Variants in PRSS27 observed in about 807,000 individuals in gnomAD.
The protein encoded by PRSS27 is serine protease 27.
A neutral mutation model predicts 32.0 loss-of-function variants in PRSS27; 25 were observed. The observed-to-expected ratio is 0.78, with a 90% confidence interval of 0.57 to 1.09. The LOEUF (loss-of-function observed/expected upper bound fraction) is 1.09, where lower values mean the gene tolerates loss of function less well. PRSS27 is among the 50% of genes least tolerant of loss of function. The pLI is 0.00. For synonymous variants in PRSS27, 178 were observed against 172.2 expected (o/e 1.03, Z -0.26); for missense variants, 401 against 394.9 (o/e 1.02, Z -0.13).
Position 2,714,086 on chromosome 16 carries a change from A to T in PRSS27, c.487T>A (p.Trp163Arg). 1 of 1,611,988 alleles carries T rather than the reference A, an allele frequency of 6.2e-7. No individual in the cohort carries two copies. The highest frequency in any genetic ancestry group is 8.5e-7 in the Non-Finnish European group (1 of 1,178,722). ...ETGMNCWVTG[W>R]GSPSEEDLLP... ...TTACCTTCCTCACTGGGGCTGCCCC[A>T]GCCAGTGACCCAGCAGTTCATGCCC... The change falls in exon 4 of 6, where the codon TGG becomes AGG. Residue 163 changes from tryptophan to arginine, a missense_variant. Trp to Arg is a moderately radical substitution (Grantham distance 101, BLOSUM62 -3). Transcript: ENST00000302641. This position sits in a 1 kb window ranked among gnomAD's most constrained non-coding sequence, Gnocchi z 4.7.
intron 5 of PRSS27, chr16:2,713,182 T>A (rs2067675024): frequency 2.2e-6 from 1 of 457,850 alleles, no homozygotes; most frequent in Non-Finnish European, 4.0e-6. Context: ...CACTGCAAGC[T>A]CCGCCTCCCA....
chr16:2,720,045 G>C lies in PRSS27; in HGVS notation c.46+70C>G, dbSNP rs916353015. On this transcript the variant is annotated intron_variant, in intron 1 of 5. Transcript: ENST00000302641. Reference sequence around the variant, plus strand: ...TCCCAGGGAGTAGGGGGCTGAGCCGGAGCCCCAGGCAGTGCAGCGGAGCCT... The same window carrying C: ...TCCCAGGGAGTAGGGGGCTGAGCCGCAGCCCCAGGCAGTGCAGCGGAGCCT... 5 of 1,390,004 alleles carry C rather than the reference G, an allele frequency of 3.6e-6. No homozygotes were observed. In the South Asian group the frequency reaches 6.2e-5, roughly 17 times the overall value. 86.1% of individuals were successfully genotyped at this position (1,390,004 alleles called of 1,614,324 possible).
At chr16:2,718,352 C>T (rs954591591) in intron 1 of PRSS27, 4 of 145,436 alleles carry the variant, frequency 2.8e-5, no homozygotes, top group Admixed American at 2.1e-4. Context: ...GAGTCTCACT[C>T]TGTTGCCCAG....
Position 2,720,139 on chromosome 16 carries a change from G to T in PRSS27, c.22C>A (p.Pro8Thr). Residue 8 changes from proline (P) to threonine (T), a missense_variant, in exon 1 of 6, where the codon CCG becomes ACG. Physicochemically the swap from Pro to Thr is conservative, Grantham distance 38. Coordinates refer to ENST00000302641, the MANE Select transcript of PRSS27 (RefSeq NM_031948.5). MRRPAAV[P>T]LLLLLCFGSQ... ...CCAAAACACAGCAGCAGCAGGAGCGGCACCGCCGCCGGCCGCCTCATGTCC... is the reference window on the plus strand; with the variant it reads ...CCAAAACACAGCAGCAGCAGGAGCGTCACCGCCGCCGGCCGCCTCATGTCC... 6.2e-7 allele frequency: 1 copy of T among 1,602,290 alleles called. No individual in the cohort carries two copies. The highest frequency in any genetic ancestry group is 8.5e-7 in the Non-Finnish European group (1 of 1,175,086).
In PRSS27 at chr16:2,717,014, G is replaced by A. The variant is rs76878190; in HGVS notation, c.47-488C>T. 565 of 162,770 alleles carry A rather than the reference G, an allele frequency of 3.5e-3. 24 individuals carry two copies. In the East Asian group the frequency reaches 0.078, roughly 23 times the overall value. 10.1% of individuals were successfully genotyped at this position (162,770 alleles called of 1,614,324 possible). On this transcript the variant is annotated intron_variant, in intron 1 of 5. Transcript: ENST00000302641. This position sits in a 1 kb window ranked among gnomAD's most constrained non-coding sequence, Gnocchi z 4.1. The stretch of plus-strand genomic sequence containing the variant: ...CCAGGGCTCTCTCACAGTCTGCTCC[G>A]GAATGAGCTCCTTCCCCAAGTCTCA...
Position 2,714,463 on chromosome 16 carries a change from AT to A in PRSS27, c.237-128del. 1 of 1,101,280 alleles carries A rather than the reference AT, an allele frequency of 9.1e-7. No individual in the cohort carries two copies. The highest frequency in any genetic ancestry group is 1.4e-5 in the South Asian group (1 of 70,736). The allele number at this position is 1,101,280 out of a possible 1,614,324, so 68.2% of individuals were successfully genotyped here. Reference sequence around the variant, plus strand: ...TCTCTGCACAATGTCTTCGAGAGTCATCTCTAGGACAGCCAGGTGCAGCGGT... The same window carrying A: ...TCTCTGCACAATGTCTTCGAGAGTCACTCTAGGACAGCCAGGTGCAGCGGT... On this transcript the variant is annotated intron_variant, in intron 3 of 5. Coordinates refer to ENST00000302641, the MANE Select transcript of PRSS27 (RefSeq NM_031948.5). This position sits in a 1 kb window ranked among gnomAD's most constrained non-coding sequence, Gnocchi z 4.7.
At position 2,714,385 on chromosome 16, in the gene PRSS27, A is replaced by T; in HGVS notation, c.237-49T>A. On this transcript the variant is annotated intron_variant, in intron 3 of 5. Coordinates refer to ENST00000302641, the MANE Select transcript of PRSS27 (RefSeq NM_031948.5). This position sits in a 1 kb window ranked among gnomAD's most constrained non-coding sequence, Gnocchi z 4.7. Reference sequence around the variant, plus strand: ...GCGTGAGGCGGCCCCTCGTGTGGGGACAGGCCCGGGAGGGGCTGGGGCTCC... The same window carrying T: ...GCGTGAGGCGGCCCCTCGTGTGGGGTCAGGCCCGGGAGGGGCTGGGGCTCC... 6.3e-7 allele frequency: 1 copy of T among 1,597,738 alleles called. No individual in the cohort carries two copies. The highest frequency in any genetic ancestry group is 2.2e-5 in the East Asian group (1 of 44,630).
chr16:2,720,204 C>T lies in PRSS27; in HGVS notation c.-44G>A. On this transcript the variant is annotated 5_prime_UTR_variant, in exon 1 of 6. Coordinates refer to ENST00000302641, the MANE Select transcript of PRSS27 (RefSeq NM_031948.5). Reference sequence around the variant, plus strand: ...GGCGCAGGGCCGTGGTCGGCGGTGGCAGAAGCGTTGGAGCACGAGCGAGGT... The same window carrying T: ...GGCGCAGGGCCGTGGTCGGCGGTGGTAGAAGCGTTGGAGCACGAGCGAGGT... 4.5e-6 allele frequency: 7 copies of T among 1,548,882 alleles called. No homozygotes were observed. The highest frequency in any genetic ancestry group is 6.1e-6 in the Non-Finnish European group (7 of 1,142,398).
chr16:2,718,598 T>C (rs1301467729), intron 1 of PRSS27: 2 of 152,214 alleles, frequency 1.3e-5, no homozygotes, highest in African/African-American at 4.8e-5. Flanking sequence ...ATTACAGGCG[T>C]GAGCCACCGC....
chr16:2,718,757 C>T (rs1183613513), intron 1 of PRSS27, among the ~76,000 whole-genome samples: 2 of 152,200 alleles, frequency 1.3e-5, no homozygotes, highest in Non-Finnish European at 2.9e-5. Flanking sequence ...GCTCTGTCTA[C>T]ATCACCCTGG....
chr16:2,716,958 G>A (rs1276290762), intron 1 of PRSS27: 8 of 192,432 alleles, frequency 4.2e-5, no homozygotes, highest in Non-Finnish European at 7.6e-5. Context: ...GAGCGGAAGA[G>A]GCCCGGGAGC....
At position 2,714,149 on chromosome 16, in the gene PRSS27, G is replaced by A; in HGVS notation, c.424C>T (p.Pro142Ser). The A allele has an allele frequency of 6.2e-7, 1 of 1,614,144 alleles. No individual in the cohort carries two copies. Among genetic ancestry groups the A allele is most frequent in the Non-Finnish European group, 8.5e-7 (1 of 1,180,026 alleles). ...ACCGAGGGGTCAGGCAGGCACACGGGGAGGATGTAATTGGTGAAGGGCACT... is the reference window on the plus strand; with the variant it reads ...ACCGAGGGGTCAGGCAGGCACACGGAGAGGATGTAATTGGTGAAGGGCACT... ...APVPFTNYIL[P>S]VCLPDPSVIF... Residue 142 changes from proline to serine, a missense_variant, in exon 4 of 6, where the codon CCC (proline) becomes TCC (serine). By Grantham distance (74) the Pro-to-Ser change is moderately conservative. Transcript: ENST00000302641. This position sits in a 1 kb window ranked among gnomAD's most constrained non-coding sequence, Gnocchi z 4.7.
Position 2,714,427 on chromosome 16 carries a change from C to T in PRSS27, c.237-91G>A, listed in dbSNP as rs1016679790. On this transcript the variant is annotated intron_variant, in intron 3 of 5. Transcript: ENST00000302641. This position sits in a 1 kb window ranked among gnomAD's most constrained non-coding sequence, Gnocchi z 4.7. ...TGGGGCTCCTCTGGCCACCACCGTG[C>T]CCCACACCTCTCTCTGCACAATGTC... 1.5e-6 allele frequency: 2 copies of T among 1,310,808 alleles called. No homozygotes were observed. Among genetic ancestry groups the T allele is most frequent in the Admixed American group, 2.1e-5 (1 of 47,928 alleles). The allele number at this position is 1,310,808 out of a possible 1,614,324, so 81.2% of individuals were successfully genotyped here.
In PRSS27 at chr16:2,712,773, C is replaced by T. The variant is rs144374231; in HGVS notation, c.720G>A (p.Ser240=). 1,537 of 1,588,398 alleles carry T rather than the reference C, an allele frequency of 9.7e-4. 12 individuals carry two copies. In the African/African-American group the frequency reaches 0.015, roughly 16 times the overall value. ...AGCTGATCACCCCCGCCTGCAGCCA[C>T]GACTGACCCACGAGGCACACCAGGG... ...GGPLVCLVGQ[S]WLQAGVISWG... is the part of the protein sequence containing the mutation. The change falls in exon 6 of 6, where the codon TCG becomes TCA. Residue 240 remains serine (S), a synonymous_variant. Transcript: ENST00000302641. The surrounding 1 kb of genome is among the most constrained non-coding windows in gnomAD (Gnocchi z 4.6).
At chr16:2,713,199 C>T (rs528767977) in intron 5 of PRSS27, 59 of 453,122 alleles carry the variant, frequency 1.3e-4, no homozygotes, top group Admixed American at 9.2e-4. Context: ...CCCAGGTTCG[C>T]GCCATTCTCC....
Position 2,715,880 on chromosome 16 carries a change from G to T in PRSS27, c.74C>A (p.Ala25Asp), listed in dbSNP as rs1449272016. The part of the protein sequence containing the change: ...FGSQRAKAAT[A>D]CGRPRMLNRM... ...GTTCAGCATCCTGGGGCGACCACAG[G>T]CTGGGGGAGCATGGGGAGCGGGTGG... The change falls in exon 3 of 6, where the codon GCC (alanine) becomes GAC (aspartate). Residue 25 changes from alanine to aspartate, a missense_variant and splice_region_variant. Coordinates refer to ENST00000302641, the MANE Select transcript of PRSS27 (RefSeq NM_031948.5). 6.4e-6 allele frequency: 10 copies of T among 1,566,440 alleles called. No homozygotes were observed. Among genetic ancestry groups the T allele is most frequent in the Non-Finnish European group, 6.1e-6 (7 of 1,154,154 alleles).
chr16:2,716,778 C>A, intron 1 of PRSS27: 2 of 545,516 alleles, frequency 3.7e-6, no homozygotes, highest in South Asian at 2.5e-5. Flanking sequence ...CATGGGGAGC[C>A]GGTCAGGAGA....
intron 3 of PRSS27, 53 bp downstream of exon 3, chr16:2,715,665 G>C (rs867160987): frequency 6.8e-6 from 10 of 1,467,560 alleles, no homozygotes; most frequent in Middle Eastern, 2.4e-4. Flanking sequence ...TGAACCGGTC[G>C]CGCGCGGGGC....
Position 2,712,849 on chromosome 16 carries a change from C to A in PRSS27, c.679-35G>T. The A allele has an allele frequency of 6.8e-7, 1 of 1,463,198 alleles. No homozygotes were observed. The highest frequency in any genetic ancestry group is 9.1e-7 in the Non-Finnish European group (1 of 1,101,890). 90.6% of individuals were successfully genotyped at this position (1,463,198 alleles called of 1,614,324 possible). A position where few individuals can be genotyped will look rare whatever the true frequency, so the allele number is the denominator to read the frequency against. On this transcript the variant is annotated intron_variant, in intron 5 of 5. Coordinates refer to ENST00000302641, the MANE Select transcript of PRSS27 (RefSeq NM_031948.5). The surrounding 1 kb of genome is among the most constrained non-coding windows in gnomAD (Gnocchi z 4.6). ...ACGCAGAGTCACCGTCAGAGCCCAC[C>A]TTGAGTTCCCAGAGACTCAGTTGCA...
Sources: allele counts gnomAD v4.1 joint callset (sites outside exome capture counted in the v4.1 genomes callset), GRCh38; gene constraint gnomAD v4.1.1; non-coding constraint Gnocchi (gnomAD v3.1); transcripts MANE v1.5; gene names NCBI Gene and HGNC (gene_info 2026-07-23, HGNC 2026-07-21).